The following FRMD5 variants were observed in gnomAD, a reference collection of about 807,000 sequenced individuals.
FRMD5 encodes FERM domain containing 5.
FRMD5 carries 20 observed loss-of-function variants against 69.0 expected under a neutral mutation model. The observed-to-expected ratio is 0.29, with a 90% CI of 0.20 to 0.42. The LOEUF (loss-of-function observed/expected upper bound fraction) is 0.42. FRMD5 is among the 10% of genes least tolerant of loss of function. The probability of loss-of-function intolerance (pLI) is 1.00; values close to 1 mark genes in which losing one functional copy is unlikely to be tolerated. For missense variants in FRMD5, 595 were observed against 708.6 expected, an observed-to-expected ratio of 0.84 and a Z score of 1.82; for synonymous variants, 271 against 260.1, an observed-to-expected ratio of 1.04 and a Z score of -0.40.
chr15:44,157,342 T>C lies in FRMD5; in HGVS notation c.102+37611A>G, dbSNP rs142601555. Among the ~76,000 whole-genome samples, 599 of 152,346 alleles carry C rather than the reference T, an allele frequency of 3.9e-3. 5 individuals are homozygous for C. Among genetic ancestry groups the C allele is most frequent in the African/African-American group, 0.013 (561 of 41,592 alleles). ...TGCAGGCAATATTCTATATTTGTAA[T>C]CTACCTGTGAGGTCCTCTCACATTA... On this transcript the variant is annotated intron_variant, in intron 1 of 13. Transcript: ENST00000417257.
intron 1 of FRMD5, among the ~76,000 whole-genome samples, chr15:44,184,493 C>T (rs755989433): frequency 2.6e-5 from 4 of 152,144 alleles, no homozygotes; most frequent in Non-Finnish European, 5.9e-5. Flanking sequence ...ACACATATCA[C>T]ATTATGCCTT....
At chr15:44,139,061 T>A (rs1009097534) in intron 1 of FRMD5, among the ~76,000 whole-genome samples, 4 of 152,062 alleles carry the variant, frequency 2.6e-5, no homozygotes, top group African/African-American at 9.7e-5. Context: ...GGTTGCACAA[T>A]TCTGAATATA....
At chr15:43,954,604 C>A (rs1189626109) in intron 1 of FRMD5, among the ~76,000 whole-genome samples, 1 of 152,182 alleles carries the variant, frequency 6.6e-6, no homozygotes, top group Non-Finnish European at 1.5e-5. Context: ...TCCTGGTTTG[C>A]CATATCTGAA....
chr15:44,152,759 T>C (rs2077466867), intron 1 of FRMD5, among the ~76,000 whole-genome samples: 1 of 152,222 alleles, frequency 6.6e-6, no homozygotes, highest in African/African-American at 2.4e-5. Context: ...TTTTGTGAAG[T>C]GCTTGATGAC....
intron 1 of FRMD5, among the ~76,000 whole-genome samples, chr15:43,928,970 T>C (rs1417953662): frequency 6.6e-6 from 1 of 152,220 alleles, no homozygotes; most frequent in Non-Finnish European, 1.5e-5. Context: ...CAAAATAACT[T>C]ATTAAGCACT....
upstream of FRMD5, among the ~76,000 whole-genome samples, chr15:44,197,629 C>T (rs1246103755): frequency 7.2e-6 from 1 of 139,382 alleles, no homozygotes; most frequent in African/African-American, 2.7e-5. Flanking sequence ...TTGCAGTGAG[C>T]TGAGATTGGC....
At chr15:43,926,592 G>A (rs1008466616) in intron 1 of FRMD5, among the ~76,000 whole-genome samples, 1 of 151,998 alleles carries the variant, frequency 6.6e-6, no homozygotes, top group Admixed American at 6.6e-5. Flanking sequence ...GGAGAACTAG[G>A]GCAGGATGCT....
intron 1 of FRMD5, among the ~76,000 whole-genome samples, chr15:44,023,662 A>G (rs548501509): frequency 6.6e-6 from 1 of 152,324 alleles, no homozygotes; most frequent in African/African-American, 2.4e-5. Flanking sequence ...CATTCCCACC[A>G]GTGATCCTCC....
Position 43,874,477 on chromosome 15 carries a change from G to A in FRMD5, c.1136-15C>T. The A allele has an allele frequency of 6.2e-7, 1 of 1,602,242 alleles. No homozygotes were observed. The highest frequency in any genetic ancestry group is 1.1e-5 in the South Asian group (1 of 90,814). The stretch of plus-strand genomic sequence containing the variant: ...GGACTCTAGGCCTAGAAAGGCAAAA[G>A]GAACATGAGTAGGCTGTGTCCCAAT... On this transcript the variant is annotated splice_polypyrimidine_tract_variant and intron_variant, in intron 13 of 13. Coordinates refer to ENST00000417257, the MANE Select transcript of FRMD5 (RefSeq NM_032892.5).
At chr15:43,964,569 G>C (rs748874973) in intron 1 of FRMD5, among the ~76,000 whole-genome samples, 1 of 151,678 alleles carries the variant, frequency 6.6e-6, no homozygotes, top group Non-Finnish European at 1.5e-5. Context: ...GATGTAACAA[G>C]GCTTTTTTTT....
chr15:44,158,603 TAGA>T (rs1472149717), intron 1 of FRMD5, among the ~76,000 whole-genome samples: 3 of 152,178 alleles, frequency 2.0e-5, no homozygotes, highest in South Asian at 2.1e-4. Flanking sequence ...ATTATAAACA[TAGA>T]AGATTATGTG....
intron 1 of FRMD5, among the ~76,000 whole-genome samples, chr15:43,964,473 C>G (rs1407627153): frequency 1.3e-5 from 2 of 149,412 alleles, no homozygotes; most frequent in Non-Finnish European, 3.0e-5. Flanking sequence ...AGAGTGAGAC[C>G]CTGTTTCAAA....
chr15:44,019,988 A>G (rs8036490), intron 1 of FRMD5, among the ~76,000 whole-genome samples: 1,910 of 152,162 alleles, frequency 0.013, 36 homozygotes, highest in African/African-American at 0.044. Flanking sequence ...ACTGCAAAAT[A>G]TTTATTTATA....
At chr15:43,904,083 G>A (rs1015818675) in intron 6 of FRMD5, among the ~76,000 whole-genome samples, 20 of 152,124 alleles carry the variant, frequency 1.3e-4, no homozygotes, top group Non-Finnish European at 2.8e-4. Flanking sequence ...TCGCCATTCC[G>A]CTGGGAGGGT....
chr15:44,002,048 A>G (rs1354811661), intron 1 of FRMD5, among the ~76,000 whole-genome samples: 1 of 152,174 alleles, frequency 6.6e-6, no homozygotes, highest in East Asian at 1.9e-4. Flanking sequence ...GTTTGGCCAC[A>G]GTGAGCCCCT....
chr15:44,065,278 G>A (rs116128141), intron 1 of FRMD5, among the ~76,000 whole-genome samples: 4 of 152,216 alleles, frequency 2.6e-5, no homozygotes, highest in African/African-American at 9.6e-5. Context: ...ATGGTAAAGA[G>A]GTCCTGGTAG....
chr15:43,975,999 A>C (rs1423123278), intron 1 of FRMD5, among the ~76,000 whole-genome samples: 1 of 152,114 alleles, frequency 6.6e-6, no homozygotes, highest in Non-Finnish European at 1.5e-5. Context: ...GTAAAAGGGA[A>C]TTCAGCAGAG....
chr15:43,931,998 T>C (rs1243219379), intron 1 of FRMD5, among the ~76,000 whole-genome samples: 1 of 152,220 alleles, frequency 6.6e-6, no homozygotes, highest in Non-Finnish European at 1.5e-5. Context: ...ACTTCTCAGC[T>C]TGTGATCTCA....
intron 1 of FRMD5, among the ~76,000 whole-genome samples, chr15:43,994,999 C>T (rs1367310958): frequency 6.6e-6 from 1 of 152,168 alleles, no homozygotes; most frequent in African/African-American, 2.4e-5. Flanking sequence ...TTCTGAAGGA[C>T]AGCTTCCAGG....
Sources: allele counts gnomAD v4.1 joint callset (sites outside exome capture counted in the v4.1 genomes callset), GRCh38; gene constraint gnomAD v4.1.1; transcripts MANE v1.5; gene names NCBI Gene and HGNC (gene_info 2026-07-23, HGNC 2026-07-21).